Variants in SLC28A1 observed in about 807,000 individuals in gnomAD.
The protein encoded by SLC28A1 is sodium/nucleoside cotransporter 1.
In SLC28A1, 64 loss-of-function variants were observed where a neutral mutation model predicts 74.8. That is an observed-to-expected ratio of 0.86 (90% confidence interval 0.70 to 1.05). The LOEUF (loss-of-function observed/expected upper bound fraction) is 1.05, where lower values mean the gene tolerates loss of function less well. Among genes scored for constraint, SLC28A1 ranks in the 50% least tolerant of loss-of-function variants. The pLI is 0.00. For missense variants in SLC28A1, 828 were observed against 822.8 expected, an observed-to-expected ratio of 1.01 and a Z score of -0.08; for synonymous variants, 359 against 335.0, an observed-to-expected ratio of 1.07 and a Z score of -0.78.
intron 11 of SLC28A1, 146 bp downstream of exon 11, chr15:84,921,215 A>G (rs1047489896): frequency 1.4e-6 from 1 of 720,582 alleles, no homozygotes; most frequent in Non-Finnish European, 2.5e-6. Flanking sequence ...TGCTCCAGGG[A>G]TACTCTGTTT....
intron 9 of SLC28A1, among the ~76,000 whole-genome samples, chr15:84,915,153 C>T (rs573877913): frequency 9.9e-5 from 15 of 152,260 alleles, no homozygotes; most frequent in Middle Eastern, 6.8e-3. Context: ...TCATCCTACC[C>T]GTGCTGGAGG....
Position 84,886,752 on chromosome 15 carries a change from C to A in SLC28A1, c.-52C>A. 1.0e-6 allele frequency: 1 copy of A among 985,310 alleles called. No homozygotes were observed. Among genetic ancestry groups the A allele is most frequent in the Middle Eastern group, 5.2e-4 (1 of 1,914 alleles). 61.0% of individuals were successfully genotyped at this position (985,310 alleles called of 1,614,324 possible). ...TGTCCCCACAGAGACGTGTGCTTCC[C>A]TCTCTCTCTGAGAGCGACCTGTTAA... On this transcript the variant is annotated 5_prime_UTR_variant, in exon 2 of 19. Coordinates refer to ENST00000394573, the MANE Select transcript of SLC28A1 (RefSeq NM_004213.5).
At chr15:84,933,929 C>G (rs867540783) in intron 13 of SLC28A1, among the ~76,000 whole-genome samples, 1 of 152,120 alleles carries the variant, frequency 6.6e-6, no homozygotes, top group African/African-American at 2.4e-5. Flanking sequence ...AAGCCTAGAT[C>G]GCACCACTGT....
intron 6 of SLC28A1, chr15:84,896,060 C>A: frequency 1.6e-6 from 1 of 612,508 alleles, no homozygotes; most frequent in Non-Finnish European, 2.0e-6. Flanking sequence ...TCTTCTGTGA[C>A]AAGTCATTGA....
At chr15:84,899,720 T>G (rs1317172594) in intron 6 of SLC28A1, among the ~76,000 whole-genome samples, 1 of 152,004 alleles carries the variant, frequency 6.6e-6, no homozygotes, top group African/African-American at 2.4e-5. Context: ...TTTTCAGACA[T>G]AAAAAGCAGA....
intron 4 of SLC28A1, among the ~76,000 whole-genome samples, chr15:84,889,401 G>T (rs537465272): frequency 6.6e-5 from 10 of 152,312 alleles, no homozygotes; most frequent in Non-Finnish European, 1.3e-4. Context: ...TGGGCAGGGG[G>T]TGGTGGTGGG....
chr15:84,934,294 G>C (rs1196909362), intron 13 of SLC28A1, among the ~76,000 whole-genome samples: 1 of 152,200 alleles, frequency 6.6e-6, no homozygotes, highest in Non-Finnish European at 1.5e-5. Flanking sequence ...CTGTGGCCTG[G>C]TGTGTGTACA....
At chr15:84,965,046 C>T in the SLC28A1 span, among the ~76,000 whole-genome samples, 3 of 152,150 alleles carry the variant, frequency 2.0e-5, no homozygotes, top group Non-Finnish European at 4.4e-5. Flanking sequence ...TCCCCACACC[C>T]AAATCTCATC....
chr15:84,965,662 T>G, the SLC28A1 span, among the ~76,000 whole-genome samples: 6 of 152,176 alleles, frequency 3.9e-5, no homozygotes, highest in Non-Finnish European at 7.4e-5. Flanking sequence ...ATGCACTTCT[T>G]CTAGGATGAC....
intron 7 of SLC28A1, 46 bp downstream of exon 7, chr15:84,904,284 T>C (rs1966857037): frequency 2.5e-6 from 4 of 1,611,148 alleles, no homozygotes; most frequent in Non-Finnish European, 2.5e-6. Context: ...TTTGCCTCTC[T>C]CTTCTGCCCC....
chr15:84,921,318 A>G (rs1969806599), intron 11 of SLC28A1, among the ~76,000 whole-genome samples: 1 of 152,166 alleles, frequency 6.6e-6, no homozygotes, highest in Admixed American at 6.5e-5. Context: ...CCAAAGACTC[A>G]CAAATCCTCC....
intron 6 of SLC28A1, among the ~76,000 whole-genome samples, chr15:84,896,979 G>T (rs1398813316): frequency 6.6e-6 from 1 of 152,164 alleles, no homozygotes; most frequent in Non-Finnish European, 1.5e-5. Flanking sequence ...GGAAGAGGAG[G>T]TGGTGACCAC....
At chr15:84,949,315 GA>G (rs1360750686), downstream of SLC28A1, among the ~76,000 whole-genome samples, 3 of 152,194 alleles carry the variant, frequency 2.0e-5, no homozygotes, top group Non-Finnish European at 4.4e-5. Context: ...ATGCTGTGAT[GA>G]GACTAAAGAT....
At chr15:84,948,395 C>T (rs2079304351), downstream of SLC28A1, among the ~76,000 whole-genome samples, 1 of 152,128 alleles carries the variant, frequency 6.6e-6, no homozygotes, top group African/African-American at 2.4e-5. Context: ...TGGCCTCTGT[C>T]AACATGTTTT....
At chr15:84,937,557 TTTTTAATTATG>T (rs1352502359) in intron 15 of SLC28A1, among the ~76,000 whole-genome samples, 1 of 152,224 alleles carries the variant, frequency 6.6e-6, no homozygotes, top group Non-Finnish European at 1.5e-5. Context: ...TTCTCTTGTC[TTTTTAATTATG>T]TTTTAAATTG....
intron 6 of SLC28A1, among the ~76,000 whole-genome samples, chr15:84,901,082 C>T (rs559995453): frequency 9.9e-5 from 15 of 152,128 alleles, no homozygotes; most frequent in Non-Finnish European, 2.1e-4. Flanking sequence ...ATTAGCTGGG[C>T]GTAGTGGCGC....
rs1972947710 is a variant in SLC28A1 at position 84,943,475 on chromosome 15, C to G, written c.1612C>G (p.Leu538Val). Residue 538 changes from leucine (L) to valine (V), a missense_variant, in exon 16 of 19, where the codon CTC (leucine) becomes GTC (valine). Physicochemically the swap from Leu to Val is conservative, Grantham distance 32. Coordinates refer to ENST00000394573, the MANE Select transcript of SLC28A1 (RefSeq NM_004213.5). ...VRAEVLTTFA[L>V]CGFANFSSIG... ...AGCTGAAGTCCTCACGACGTTTGCCCTCTGTGGATTTGCCAATTTCAGCTC... is the reference window on the plus strand; with the variant it reads ...AGCTGAAGTCCTCACGACGTTTGCCGTCTGTGGATTTGCCAATTTCAGCTC... 6.2e-7 allele frequency: 1 copy of G among 1,614,076 alleles called. No homozygotes were observed. Among genetic ancestry groups the G allele is most frequent in the Admixed American group, 1.7e-5 (1 of 60,030 alleles).
At chr15:84,973,446 A>C in the SLC28A1 span, among the ~76,000 whole-genome samples, 1 of 152,210 alleles carries the variant, frequency 6.6e-6, no homozygotes, top group African/African-American at 2.4e-5. Context: ...TCATGTGTCC[A>C]TCTCCAAGCC....
chr15:84,886,566 A>C, intron 1 of SLC28A1, 106 bp from the exon 2 acceptor site: 6 of 985,552 alleles, frequency 6.1e-6, no homozygotes, highest in Non-Finnish European at 7.2e-6. Flanking sequence ...TGTATCCCTG[A>C]GACCGTGTTG....
Sources: gnomAD v4.1 joint callset for allele counts (sites outside exome capture counted in the v4.1 genomes callset) on GRCh38, gnomAD v4.1.1 for gene constraint, MANE v1.5 for transcripts, NCBI Gene and HGNC (gene_info 2026-07-23, HGNC 2026-07-21) for gene names.